SLC9A9: variants seen among roughly 807,000 people sequenced by gnomAD.
The protein encoded by SLC9A9 is sodium/hydrogen exchanger 9.
Under a neutral mutation model 77.8 loss-of-function variants are expected in SLC9A9, and 62 were observed. The ratio of observed to expected loss-of-function variants is 0.80; its 90% CI spans 0.65 to 0.98. The LOEUF (loss-of-function observed/expected upper bound fraction) is 0.98. SLC9A9 is among the 50% of genes least tolerant of loss of function. SLC9A9 has a pLI of 0.00. For missense variants in SLC9A9, 775 were observed against 774.9 expected (o/e 1.00, Z 0.00); for synonymous variants, 320 against 283.5 (o/e 1.13, Z -1.29).
intron 12 of SLC9A9, among the ~76,000 whole-genome samples, chr3:143,397,518 GA>G (rs1185994867): frequency 6.6e-6 from 1 of 152,164 alleles, no homozygotes; most frequent in Admixed American, 6.5e-5. Flanking sequence ...GCGAGAAGTG[GA>G]AAACCTAAAA....
intron 12 of SLC9A9, among the ~76,000 whole-genome samples, chr3:143,396,484 C>T (rs553651334): frequency 2.3e-4 from 35 of 152,198 alleles, no homozygotes; most frequent in Non-Finnish European, 3.7e-4. Context: ...AGGAGATATA[C>T]CTAATGTAAA....
chr3:143,780,212 C>A (rs1425366262), intron 4 of SLC9A9, among the ~76,000 whole-genome samples: 1 of 152,006 alleles, frequency 6.6e-6, no homozygotes, highest in Non-Finnish European at 1.5e-5. Context: ...TGAAGGGATG[C>A]CAAATTATAA....
chr3:143,438,354 G>T (rs1242553983), intron 12 of SLC9A9, among the ~76,000 whole-genome samples: 2 of 152,230 alleles, frequency 1.3e-5, no homozygotes, highest in African/African-American at 4.8e-5. Context: ...TTATGTGGGA[G>T]TTGGCAGTGC....
At chr3:143,783,512 T>G (rs750310397) in intron 4 of SLC9A9, among the ~76,000 whole-genome samples, 2 of 152,200 alleles carry the variant, frequency 1.3e-5, no homozygotes, top group Admixed American at 6.5e-5. Context: ...GACTTACCAC[T>G]TGATCAATAG....
intron 9 of SLC9A9, among the ~76,000 whole-genome samples, chr3:143,521,994 C>T (rs1475915808): frequency 6.6e-6 from 1 of 152,070 alleles, no homozygotes; most frequent in Non-Finnish European, 1.5e-5. Context: ...CATCTTTGTG[C>T]TCTTGGCTGA....
intron 5 of SLC9A9, among the ~76,000 whole-genome samples, chr3:143,682,022 T>C (rs1320856149): frequency 6.6e-6 from 1 of 152,194 alleles, no homozygotes; most frequent in Non-Finnish European, 1.5e-5. Context: ...AGTCTCCATC[T>C]AAAGACTTGT....
At chr3:143,726,736 G>GA (rs5853126) in intron 4 of SLC9A9, among the ~76,000 whole-genome samples, 51,829 of 150,320 alleles carry the variant, frequency 0.34, 9,203 homozygotes, top group Admixed American at 0.39. Flanking sequence ...TTCATTGCCT[G>GA]AAAAAAAAAA....
intron 14 of SLC9A9, among the ~76,000 whole-genome samples, chr3:143,362,307 A>T (rs1409757609): frequency 2.0e-5 from 3 of 152,198 alleles, no homozygotes; most frequent in Non-Finnish European, 2.9e-5. Context: ...CTCTAACCTC[A>T]AAAACCCTCT....
chr3:143,606,669 G>C (rs78077259), intron 6 of SLC9A9, among the ~76,000 whole-genome samples: 2,405 of 151,418 alleles, frequency 0.016, 70 homozygotes, highest in African/African-American at 0.055. Flanking sequence ...TTAAAATCTA[G>C]AGTGTAAACC....
intron 5 of SLC9A9, among the ~76,000 whole-genome samples, chr3:143,666,078 A>C (rs914095818): frequency 1.1e-4 from 16 of 152,174 alleles, no homozygotes; most frequent in Non-Finnish European, 1.9e-4. Context: ...TGATGCAAAA[A>C]TCCTCAATGA....
chr3:143,585,034 C>A (rs2037518697), intron 6 of SLC9A9, among the ~76,000 whole-genome samples: 1 of 152,150 alleles, frequency 6.6e-6, no homozygotes, highest in African/African-American at 2.4e-5. Context: ...AGGGTCCCGG[C>A]CTGGTCTCAG....
At chr3:143,430,201 C>G (rs922575834) in intron 12 of SLC9A9, among the ~76,000 whole-genome samples, 1 of 152,154 alleles carries the variant, frequency 6.6e-6, no homozygotes, top group African/African-American at 2.4e-5. Context: ...CACCTGGGAT[C>G]AAGGAAAACA....
At chr3:143,719,669 A>G (rs1295510096) in intron 4 of SLC9A9, among the ~76,000 whole-genome samples, 1 of 152,234 alleles carries the variant, frequency 6.6e-6, no homozygotes, top group Non-Finnish European at 1.5e-5. Context: ...CAGGTGCCGA[A>G]CAATTTCTTT....
intron 14 of SLC9A9, among the ~76,000 whole-genome samples, chr3:143,324,630 T>G (rs1481912890): frequency 4.6e-5 from 7 of 152,116 alleles, no homozygotes; most frequent in African/African-American, 1.7e-4. Flanking sequence ...GAGATCAGCC[T>G]GGGCAACATG....
At chr3:143,676,753 A>G (rs1052155717) in intron 5 of SLC9A9, among the ~76,000 whole-genome samples, 1 of 152,016 alleles carries the variant, frequency 6.6e-6, no homozygotes, top group African/African-American at 2.4e-5. Context: ...CAAACAAACA[A>G]AAACAAACAA....
chr3:143,722,564 CAG>C (rs1405614670), intron 4 of SLC9A9, among the ~76,000 whole-genome samples: 1 of 150,560 alleles, frequency 6.6e-6, no homozygotes, highest in African/African-American at 2.4e-5. Context: ...CCTGGCTTCT[CAG>C]AGGCTCACAA....
At chr3:143,369,881 A>T (rs906628564) in intron 13 of SLC9A9, among the ~76,000 whole-genome samples, 15 of 152,228 alleles carry the variant, frequency 9.9e-5, no homozygotes, top group Non-Finnish European at 1.9e-4. Context: ...AGGACGCTCA[A>T]GAAGCTCTGT....
intron 12 of SLC9A9, among the ~76,000 whole-genome samples, chr3:143,397,394 TG>T (rs1481874935): frequency 2.6e-5 from 4 of 152,122 alleles, no homozygotes; most frequent in Non-Finnish European, 4.4e-5. Flanking sequence ...ACAAGTTACA[TG>T]GGAAAAAAGA....
At chr3:143,404,328 C>A (rs1191715831) in intron 12 of SLC9A9, among the ~76,000 whole-genome samples, 1 of 151,682 alleles carries the variant, frequency 6.6e-6, no homozygotes, top group Non-Finnish European at 1.5e-5. Flanking sequence ...TGCCTGCCAC[C>A]ACACCTAATT....
Sources: allele counts gnomAD v4.1 joint callset (sites outside exome capture counted in the v4.1 genomes callset), GRCh38; gene constraint gnomAD v4.1.1; transcripts MANE v1.5; gene names NCBI Gene and HGNC (gene_info 2026-07-23, HGNC 2026-07-21).